GPR39: variants seen among roughly 807,000 people sequenced by gnomAD.
GPR39 encodes the protein G protein-coupled receptor 39, also known as zinc sensing receptor.
In GPR39, 23 loss-of-function variants were observed where a neutral mutation model predicts 18.4. That is an observed-to-expected ratio of 1.25 (90% confidence interval 0.90 to 1.77). The LOEUF (loss-of-function observed/expected upper bound fraction) is 1.77, where lower values mean the gene tolerates loss of function less well. GPR39 is among the 40% of genes most tolerant of loss of function. GPR39 has a pLI of 0.00. For missense variants in GPR39, 647 were observed against 602.4 expected (o/e 1.07, Z -0.78); for synonymous variants, 280 against 257.9 (o/e 1.09, Z -0.82).
intron 1 of GPR39, among the ~76,000 whole-genome samples, chr2:132,636,907 A>G (rs543055375): frequency 6.6e-6 from 1 of 152,272 alleles, no homozygotes; most frequent in South Asian, 2.1e-4. Flanking sequence ...CATGCTCCTC[A>G]TTACCACCAC....
intron 1 of GPR39, among the ~76,000 whole-genome samples, chr2:132,434,096 A>G (rs1680269202): frequency 6.6e-6 from 1 of 152,054 alleles, no homozygotes; most frequent in African/African-American, 2.4e-5. Context: ...ATCATTGAGG[A>G]GAAAGGATAT....
chr2:132,542,327 C>A (rs1400910607), intron 1 of GPR39, among the ~76,000 whole-genome samples: 6 of 152,106 alleles, frequency 3.9e-5, no homozygotes, highest in African/African-American at 9.7e-5. Context: ...GAAAGCCTGC[C>A]ATGTCAGATG....
At chr2:132,608,126 A>G (rs1283583865) in intron 1 of GPR39, among the ~76,000 whole-genome samples, 3 of 152,250 alleles carry the variant, frequency 2.0e-5, no homozygotes, top group Non-Finnish European at 4.4e-5. Flanking sequence ...CCAACTCTTA[A>G]AAAGTCATTT....
At chr2:132,448,386 T>A (rs1680575708) in intron 1 of GPR39, among the ~76,000 whole-genome samples, 3 of 152,034 alleles carry the variant, frequency 2.0e-5, no homozygotes, top group Non-Finnish European at 4.4e-5. Context: ...TTCTCTAACG[T>A]TTTGTTTGGG....
chr2:132,491,398 TTTTCATTTGTACA>T (rs1253946536), intron 1 of GPR39, among the ~76,000 whole-genome samples: 2 of 152,136 alleles, frequency 1.3e-5, no homozygotes, highest in African/African-American at 4.8e-5. Context: ...AATATTTAAC[TTTTCATTTGTACA>T]TTTCATTTGC....
chr2:132,636,804 G>A (rs1043836453), intron 1 of GPR39, among the ~76,000 whole-genome samples: 2 of 152,196 alleles, frequency 1.3e-5, no homozygotes, highest in South Asian at 2.1e-4. Flanking sequence ...GCTAGAGCCC[G>A]TGTGGTATGC....
intron 1 of GPR39, among the ~76,000 whole-genome samples, chr2:132,516,460 A>G (rs1363985566): frequency 6.6e-6 from 1 of 152,148 alleles, no homozygotes; most frequent in Non-Finnish European, 1.5e-5. Flanking sequence ...GCCAAAAATG[A>G]TAGAGGGTGT....
At chr2:132,457,409 T>A (rs1377680877) in intron 1 of GPR39, among the ~76,000 whole-genome samples, 1 of 152,214 alleles carries the variant, frequency 6.6e-6, no homozygotes, top group Non-Finnish European at 1.5e-5. Context: ...TTAGCTTCCT[T>A]GCGATGGGTT....
intron 1 of GPR39, among the ~76,000 whole-genome samples, chr2:132,448,932 A>G (rs948008110): frequency 6.6e-6 from 1 of 152,168 alleles, no homozygotes; most frequent in Non-Finnish European, 1.5e-5. Flanking sequence ...TGGGAGGACA[A>G]TGGTGTGATG....
chr2:132,470,530 A>T (rs1046675053), intron 1 of GPR39, among the ~76,000 whole-genome samples: 1 of 152,160 alleles, frequency 6.6e-6, no homozygotes, highest in Admixed American at 6.5e-5. Context: ...GAGATGGATT[A>T]TAAAGTGCTC....
intron 1 of GPR39, among the ~76,000 whole-genome samples, chr2:132,522,708 G>A (rs1000531737): frequency 6.6e-6 from 1 of 152,138 alleles, no homozygotes; most frequent in South Asian, 2.1e-4. Context: ...GCAGAGCACA[G>A]CCTTCTTGTC....
intron 1 of GPR39, among the ~76,000 whole-genome samples, chr2:132,531,187 A>T (rs1184228968): frequency 6.6e-6 from 1 of 152,226 alleles, no homozygotes; most frequent in Non-Finnish European, 1.5e-5. Context: ...AAACAAAAAA[A>T]GGCAGGGGTT....
chr2:132,611,544 G>T (rs941172900), intron 1 of GPR39, among the ~76,000 whole-genome samples: 3 of 151,834 alleles, frequency 2.0e-5, no homozygotes, highest in East Asian at 1.9e-4. Context: ...AATTAAGCAT[G>T]TCCATTGCTT....
chr2:132,531,410 C>T (rs111368221), intron 1 of GPR39, among the ~76,000 whole-genome samples: 61 of 152,318 alleles, frequency 4.0e-4, no homozygotes, highest in African/African-American at 1.4e-3. Context: ...TAATGGGAGA[C>T]TTTAACATCC....
At chr2:132,631,155 G>A (rs910902152) in intron 1 of GPR39, among the ~76,000 whole-genome samples, 2 of 152,186 alleles carry the variant, frequency 1.3e-5, no homozygotes, top group African/African-American at 4.8e-5. Context: ...GCCATTTGGC[G>A]ATTATCAAGT....
chr2:132,538,080 T>C (rs1052582579), intron 1 of GPR39, among the ~76,000 whole-genome samples: 1 of 152,168 alleles, frequency 6.6e-6, no homozygotes, highest in Non-Finnish European at 1.5e-5. Context: ...TCCAGTTCTG[T>C]GCCCTTGCTG....
chr2:132,490,733 T>G (rs1011053262), intron 1 of GPR39, among the ~76,000 whole-genome samples: 7 of 151,454 alleles, frequency 4.6e-5, no homozygotes, highest in Non-Finnish European at 2.9e-5. Flanking sequence ...GTGAGGGAGG[T>G]AGGGTTTCAA....
At chr2:132,582,738 C>G (rs1329205122) in intron 1 of GPR39, among the ~76,000 whole-genome samples, 1 of 152,136 alleles carries the variant, frequency 6.6e-6, no homozygotes, top group Non-Finnish European at 1.5e-5. Context: ...CCAGCCAAGC[C>G]AGGTCCCCAA....
chr2:132,553,869 C>T (rs1360397674), intron 1 of GPR39, among the ~76,000 whole-genome samples: 1 of 152,112 alleles, frequency 6.6e-6, no homozygotes, highest in Non-Finnish European at 1.5e-5. Context: ...AAAAAAACAC[C>T]ACCAGGTAAC....
Sources: gnomAD v4.1 joint callset for allele counts (sites outside exome capture counted in the v4.1 genomes callset) on GRCh38, gnomAD v4.1.1 for gene constraint, MANE v1.5 for transcripts, NCBI Gene and HGNC (gene_info 2026-07-23, HGNC 2026-07-21) for gene names.